Variants in CUX1 observed in about 807,000 individuals in gnomAD.
The protein encoded by CUX1 is cut like homeobox 1.
In CUX1, 31 loss-of-function variants were observed where a neutral mutation model predicts 158.8. The observed-to-expected ratio is 0.20, with a 90% CI of 0.15 to 0.26. The LOEUF is 0.26. Ranked by LOEUF, CUX1 falls within the 10% of genes least tolerant of loss-of-function variation. CUX1 has a pLI of 1.00. For synonymous variants in CUX1, 879 were observed against 862.1 expected (o/e 1.02, Z -0.34); for missense variants, 1,589 against 2,014.6 (o/e 0.79, Z 4.04).
intron 2 of CUX1, among the ~76,000 whole-genome samples, chr7:101,998,588 C>T (rs1816272929): frequency 6.6e-6 from 1 of 152,202 alleles, no homozygotes; most frequent in African/African-American, 2.4e-5. Context: ...ACACCCCACT[C>T]AGGGCGATAG....
rs368953059 is a variant in CUX1 at position 102,217,797 on chromosome 7, G to C, written c.3131-9570G>C. 5.7e-4 allele frequency among the ~76,000 whole-genome samples: 86 copies of C among 150,378 alleles called. No individual in the cohort carries two copies. The East Asian group carries it at 0.015, about 25-fold the overall frequency. On this transcript the variant is annotated intron_variant, in intron 20 of 23. Coordinates refer to ENST00000292535, the MANE Select transcript of CUX1 (RefSeq NM_181552.4). The stretch of plus-strand genomic sequence containing the variant: ...TCTAGAGGGAGGGAGGCTCTGGATG[G>C]ACACGATGGTGTCTAGAGGGAGGGA...
In CUX1 at chr7:101,890,196, G is replaced by A. The variant is rs556112661; in HGVS notation, c.31-25919G>A. 1.1e-3 allele frequency among the ~76,000 whole-genome samples: 168 copies of A among 152,316 alleles called. 1 individual carries two copies. The highest frequency in any genetic ancestry group is 3.9e-3 in the African/African-American group (161 of 41,574). The stretch of plus-strand genomic sequence containing the variant: ...CGGTGTCTTGGCAGATGGGGTTGAC[G>A]GGGAGCCCTGAAGCCGGCAGTGTTT... On this transcript the variant is annotated intron_variant, in intron 1 of 23. Coordinates refer to ENST00000292535, the MANE Select transcript of CUX1 (RefSeq NM_181552.4).
chr7:102,075,962 A>C (rs1826664319), intron 4 of CUX1, among the ~76,000 whole-genome samples: 2 of 152,114 alleles, frequency 1.3e-5, no homozygotes, highest in African/African-American at 4.8e-5. Flanking sequence ...CCCCAAGCCC[A>C]GCACACAGGG....
chr7:101,838,246 C>T (rs1465700497), intron 1 of CUX1, among the ~76,000 whole-genome samples: 1 of 151,668 alleles, frequency 6.6e-6, no homozygotes, highest in Non-Finnish European at 1.5e-5. Flanking sequence ...TCTCTTGCCC[C>T]AGCCTCCTGA....
intron 1 of CUX1, among the ~76,000 whole-genome samples, chr7:101,880,417 T>C (rs920574155): frequency 6.6e-6 from 1 of 152,122 alleles, no homozygotes; most frequent in African/African-American, 2.4e-5. Flanking sequence ...CAGACCCCTC[T>C]CATCGGCCTC....
intron 8 of CUX1, among the ~76,000 whole-genome samples, chr7:102,131,108 CAAAA>C (rs575289482): frequency 1.5e-5 from 1 of 65,744 alleles, no homozygotes; most frequent in African/African-American, 5.2e-5. Flanking sequence ...GACTCCATCT[CAAAA>C]AAAAAAAAAA....
chr7:102,257,184 G>A lies in CUX1; in HGVS notation c.*8142G>A, dbSNP rs1156702378. On this transcript the variant is annotated 3_prime_UTR_variant, in exon 24 of 24. Coordinates refer to ENST00000292535, the MANE Select transcript of CUX1 (RefSeq NM_181552.4). The stretch of plus-strand genomic sequence containing the variant: ...GGCCCTGCTCACCCCAAGGTAGGCT[G>A]GGAAGAGCATCTCTTTCCATATCAT... 2 of 985,252 alleles carry A rather than the reference G, an allele frequency of 2.0e-6. No homozygotes were observed. Among genetic ancestry groups the A allele is most frequent in the East Asian group, 1.1e-4 (1 of 8,824 alleles). 61.0% of individuals were successfully genotyped at this position (985,252 alleles called of 1,614,324 possible). A position where few individuals can be genotyped will look rare whatever the true frequency, so the allele number is the denominator to read the frequency against.
At chr7:102,282,742 A>G (rs1554549684) in exon 22 of CUX1, 2 of 1,613,572 alleles carry the variant, frequency 1.2e-6, no homozygotes, top group Non-Finnish European at 1.7e-6. Flanking sequence ...GAGCGAGAGC[A>G]TGGAGAGGGA....
chr7:102,075,539 A>G (rs182290872), intron 4 of CUX1, among the ~76,000 whole-genome samples: 2 of 152,330 alleles, frequency 1.3e-5, no homozygotes, highest in Admixed American at 6.5e-5. Context: ...AGTGCCTGCC[A>G]TGTGGCAGAA....
chr7:102,115,229 A>G lies in CUX1; in HGVS notation c.630A>G (p.Glu210=). The change falls in exon 8 of 24, where the codon GAA becomes GAG. Residue 210 remains glutamate, a synonymous_variant. Coordinates refer to ENST00000292535, the MANE Select transcript of CUX1 (RefSeq NM_181552.4). The part of the protein sequence containing the change: ...LQTALEKTRT[E]LFDLKTKYDE... ...CAGCCCTGGAAAAAACTCGAACAGA[A>G]TTATTTGACCTGAAAACCAAATACG... The G allele has an allele frequency of 6.2e-7, 1 of 1,609,524 alleles. No homozygotes were observed. Among genetic ancestry groups the G allele is most frequent in the Non-Finnish European group, 8.5e-7 (1 of 1,179,028 alleles).
chr7:102,248,667 G>A lies in CUX1; in HGVS notation c.4143G>A (p.Pro1381=), dbSNP rs1554538011. ...CGGAGCCGCCGCCCTCGGGGACCCC[G>A]GGCCCGGACGACGCCCGCGACGACG... ...EQTEPPPSGT[P]GPDDARDDDH... The change falls in exon 24 of 24, where the codon CCG becomes CCA. Residue 1381 remains proline (P), a synonymous_variant. Transcript: ENST00000292535. This position sits in a 1 kb window ranked among gnomAD's most constrained non-coding sequence, Gnocchi z 5.8. 3 of 1,325,650 alleles carry A rather than the reference G, an allele frequency of 2.3e-6. No individual in the cohort carries two copies. Among genetic ancestry groups the A allele is most frequent in the South Asian group, 1.6e-5 (1 of 62,522 alleles). The allele number at this position is 1,325,650 out of a possible 1,614,324, so 82.1% of individuals were successfully genotyped here.
At chr7:102,027,731 G>A (rs539268343) in intron 2 of CUX1, among the ~76,000 whole-genome samples, 6 of 152,222 alleles carry the variant, frequency 3.9e-5, no homozygotes, top group South Asian at 2.1e-4. Flanking sequence ...GCATGGTGGC[G>A]TACGCCTGTA....
chr7:102,246,398 G>A (rs2132586339), intron 23 of CUX1, among the ~76,000 whole-genome samples: 1 of 152,208 alleles, frequency 6.6e-6, no homozygotes, highest in Admixed American at 6.5e-5. Flanking sequence ...AAATCTTTCA[G>A]GACAAGGTTC....
At chr7:102,204,057 A>G (rs1554520435) in intron 18 of CUX1, among the ~76,000 whole-genome samples, 1 of 152,158 alleles carries the variant, frequency 6.6e-6, no homozygotes, top group African/African-American at 2.4e-5. Context: ...AGGTGCTTGT[A>G]CACACCTCCT....
At chr7:101,841,633 CT>C (rs1194822899) in intron 1 of CUX1, among the ~76,000 whole-genome samples, 1 of 152,162 alleles carries the variant, frequency 6.6e-6, no homozygotes, top group African/African-American at 2.4e-5. Context: ...TCTTGGCTCA[CT>C]GCAGCCTCTG....
chr7:102,024,595 G>A (rs918226727), intron 2 of CUX1, among the ~76,000 whole-genome samples: 1 of 152,050 alleles, frequency 6.6e-6, no homozygotes, highest in African/African-American at 2.4e-5. Context: ...CCAAAGTGCT[G>A]GGATTACAGG....
intron 2 of CUX1, among the ~76,000 whole-genome samples, chr7:101,971,226 C>T (rs986973773): frequency 6.6e-6 from 1 of 152,202 alleles, no homozygotes; most frequent in Non-Finnish European, 1.5e-5. Flanking sequence ...CTATGCCATT[C>T]CTGCCCTCCT....
At chr7:101,883,603 T>A (rs1285532986) in intron 1 of CUX1, among the ~76,000 whole-genome samples, 1 of 151,996 alleles carries the variant, frequency 6.6e-6, no homozygotes, top group African/African-American at 2.4e-5. Flanking sequence ...TTTTGAAATT[T>A]TAAATTATTA....
rs145860824 is a variant in CUX1 at position 101,944,364 on chromosome 7, C to T, written c.141+28139C>T. On this transcript the variant is annotated intron_variant, in intron 2 of 23. Transcript: ENST00000292535. Reference sequence around the variant, plus strand: ...AGGCGTTGATACATTTATAGGCTAGCATTCAACATCAGCGTTGTGCTCTGG... The same window carrying T: ...AGGCGTTGATACATTTATAGGCTAGTATTCAACATCAGCGTTGTGCTCTGG... Among the ~76,000 whole-genome samples the T allele has an allele frequency of 1.7e-3, 260 of 152,322 alleles. 1 individual carries two copies. Among genetic ancestry groups the T allele is most frequent in the Admixed American group, 3.9e-3 (60 of 15,298 alleles).
Sources: allele counts gnomAD v4.1 joint callset (sites outside exome capture counted in the v4.1 genomes callset), GRCh38; gene constraint gnomAD v4.1.1; non-coding constraint Gnocchi (gnomAD v3.1); transcripts MANE v1.5; gene names NCBI Gene and HGNC (gene_info 2026-07-23, HGNC 2026-07-21).